Variants in CACNA2D1 observed in about 807,000 individuals in gnomAD.
CACNA2D1 encodes the protein voltage-dependent calcium channel subunit alpha-2/delta-1.
A neutral mutation model predicts 171.5 loss-of-function variants in CACNA2D1; 53 were observed. That is an observed-to-expected ratio of 0.31 (90% CI 0.25 to 0.39). The LOEUF (loss-of-function observed/expected upper bound fraction) is 0.39, where lower values mean the gene tolerates loss of function less well. Ranked by LOEUF, CACNA2D1 falls within the 10% of genes least tolerant of loss-of-function variation. The pLI is 1.00. For synonymous variants in CACNA2D1, 442 were observed against 443.1 expected (o/e 1.00, Z 0.03); for missense variants, 903 against 1,299.8 (o/e 0.69, Z 4.69).
At chr7:82,145,712 T>TTA (rs532041840) in intron 4 of CACNA2D1, among the ~76,000 whole-genome samples, 331 of 148,678 alleles carry the variant, frequency 2.2e-3, no homozygotes, top group African/African-American at 7.2e-3. Flanking sequence ...ATACACAATT[T>TTA]TATATATATA....
chr7:82,177,119 T>C (rs868307965), intron 3 of CACNA2D1, among the ~76,000 whole-genome samples: 1 of 148,940 alleles, frequency 6.7e-6, no homozygotes. Flanking sequence ...TGGAGGGTAT[T>C]GGGGAAGCTG....
chr7:82,326,985 C>T (rs1243752005), intron 3 of CACNA2D1, among the ~76,000 whole-genome samples: 1 of 152,168 alleles, frequency 6.6e-6, no homozygotes, highest in Non-Finnish European at 1.5e-5. Context: ...TTCTACTCTT[C>T]GTATTGCGCC....
intron 3 of CACNA2D1, among the ~76,000 whole-genome samples, chr7:82,214,635 A>C (rs1800919212): frequency 6.6e-6 from 1 of 152,158 alleles, no homozygotes; most frequent in African/African-American, 2.4e-5. Context: ...TATAACTTAA[A>C]ATAATGGGCA....
At chr7:82,060,165 AAT>A (rs796066557) in intron 10 of CACNA2D1, among the ~76,000 whole-genome samples, 710 of 21,758 alleles carry the variant, frequency 0.033, 61 homozygotes, top group Middle Eastern at 0.071. Flanking sequence ...ATATATATAT[AAT>A]ATATATATAT....
chr7:82,310,400 A>G (rs956904073), intron 3 of CACNA2D1, among the ~76,000 whole-genome samples: 4 of 152,060 alleles, frequency 2.6e-5, no homozygotes, highest in African/African-American at 9.6e-5. Context: ...TTTAAAATTA[A>G]GGGAAAAATG....
At chr7:82,335,302 T>C (rs752575172) in intron 2 of CACNA2D1, 51 bp from the exon 3 acceptor site, 5 of 1,042,476 alleles carry the variant, frequency 4.8e-6, no homozygotes, top group Non-Finnish European at 7.5e-6. Context: ...CTTATTTGGC[T>C]TACAAGTTCC....
intron 10 of CACNA2D1, among the ~76,000 whole-genome samples, chr7:82,056,633 T>G (rs1805941272): frequency 6.6e-6 from 1 of 152,100 alleles, no homozygotes; most frequent in African/African-American, 2.4e-5. Flanking sequence ...CCCACGGGAA[T>G]AGTGTGATGC....
intron 3 of CACNA2D1, among the ~76,000 whole-genome samples, chr7:82,199,454 C>T (rs997944947): frequency 6.6e-6 from 1 of 152,046 alleles, no homozygotes; most frequent in Non-Finnish European, 1.5e-5. Context: ...TGCAGTAATT[C>T]ATCTTAAAAG....
intron 4 of CACNA2D1, among the ~76,000 whole-genome samples, chr7:82,145,252 A>T (rs1792849224): frequency 6.8e-6 from 1 of 146,118 alleles, no homozygotes; most frequent in African/African-American, 2.5e-5. Flanking sequence ...ATATAAATAT[A>T]TAAATTATAT....
At chr7:82,347,055 A>G (rs1819339231) in intron 2 of CACNA2D1, among the ~76,000 whole-genome samples, 1 of 152,150 alleles carries the variant, frequency 6.6e-6, no homozygotes, top group Non-Finnish European at 1.5e-5. Context: ...GGAATAATCC[A>G]ATAAGAGACA....
chr7:82,132,182 C>T (rs1563094208), intron 5 of CACNA2D1, among the ~76,000 whole-genome samples: 1 of 152,080 alleles, frequency 6.6e-6, no homozygotes, highest in Non-Finnish European at 1.5e-5. Flanking sequence ...ATTTTATATT[C>T]ATTTTACTAT....
rs1810263158 is a variant in CACNA2D1 at position 82,084,898 on chromosome 7, T to G, written c.529A>C (p.Thr177Pro). 1.2e-6 allele frequency: 2 copies of G among 1,612,264 alleles called. No individual in the cohort carries two copies. Among genetic ancestry groups the G allele is most frequent in the Non-Finnish European group, 1.7e-6 (2 of 1,178,478 alleles). ...CAGTTGAGTTCATTTAACACAATTGTTGCTAACAAAAAAGAGAGAAACCAT... is the reference window on the plus strand; with the variant it reads ...CAGTTGAGTTCATTTAACACAATTGGTGCTAACAAAAAAGAGAGAAACCAT... ...HIPTDIYEGS[T>P]IVLNELNWTS... is the part of the protein sequence containing the mutation. The change falls in exon 7 of 39, where the codon ACA becomes CCA. Residue 177 changes from threonine to proline, a missense_variant and splice_region_variant. By Grantham distance (38) the Thr-to-Pro change is conservative (BLOSUM62 -1). This residue lies in a region of CACNA2D1 where 189 missense variants were observed against 266.8 expected (regional missense o/e 0.71). Coordinates refer to ENST00000356860, the MANE Select transcript of CACNA2D1 (RefSeq NM_000722.4).
At chr7:82,430,579 T>G (rs1829592928) in intron 1 of CACNA2D1, among the ~76,000 whole-genome samples, 1 of 152,182 alleles carries the variant, frequency 6.6e-6, no homozygotes, top group Non-Finnish European at 1.5e-5. Flanking sequence ...GAAATTTTAT[T>G]TCAGTGTTTG....
At chr7:82,170,192 T>G (rs1795868818) in intron 4 of CACNA2D1, among the ~76,000 whole-genome samples, 1 of 151,928 alleles carries the variant, frequency 6.6e-6, no homozygotes, top group African/African-American at 2.4e-5. Flanking sequence ...AAAAGCAACT[T>G]TTTCCAACTT....
intron 10 of CACNA2D1, among the ~76,000 whole-genome samples, chr7:82,040,085 G>C (rs1434710258): frequency 6.6e-6 from 1 of 152,166 alleles, no homozygotes; most frequent in Non-Finnish European, 1.5e-5. Context: ...AGAGTAATCA[G>C]AAGGCTTTGC....
chr7:81,951,973 T>TTTTTTTTTTGTTGTTGTTG (rs1554321689), intron 38 of CACNA2D1, among the ~76,000 whole-genome samples: 5 of 147,648 alleles, frequency 3.4e-5, no homozygotes, highest in African/African-American at 1.3e-4. Context: ...CAAAGTGTTT[T>TTTTTTTTTTGTTGTTGTTG]TTTTTTTTTT....
intron 7 of CACNA2D1, among the ~76,000 whole-genome samples, chr7:82,083,512 G>A (rs1005353976): frequency 2.6e-5 from 4 of 151,790 alleles, no homozygotes; most frequent in Non-Finnish European, 5.9e-5. Flanking sequence ...ACAAGATTAT[G>A]TTTAGAAAGG....
chr7:82,435,050 T>A, intron 1 of CACNA2D1, among the ~76,000 whole-genome samples: 1 of 148,008 alleles, frequency 6.8e-6, no homozygotes, highest in East Asian at 2.0e-4. Flanking sequence ...TTTTTTTTTT[T>A]TTTGAGACGG....
At chr7:82,137,085 A>G (rs116445207) in intron 4 of CACNA2D1, among the ~76,000 whole-genome samples, 3,671 of 152,320 alleles carry the variant, frequency 0.024, 137 homozygotes, top group African/African-American at 0.083. Flanking sequence ...GAGTGTTGAA[A>G]TGATTCTGGA....
Sources: allele counts gnomAD v4.1 joint callset (sites outside exome capture counted in the v4.1 genomes callset), GRCh38; gene constraint gnomAD v4.1.1; regional missense constraint gnomAD v4.1.1; transcripts MANE v1.5; gene names NCBI Gene and HGNC (gene_info 2026-07-23, HGNC 2026-07-21).